NAALADL2: variants seen among roughly 807,000 people sequenced by gnomAD.
NAALADL2 encodes the protein N-acetylated alpha-linked acidic dipeptidase like 2.
A neutral mutation model predicts 87.2 loss-of-function variants in NAALADL2; 76 were observed. The observed-to-expected ratio is 0.87, with a 90% CI of 0.72 to 1.05. The LOEUF is 1.05. Among genes scored for constraint, NAALADL2 ranks in the 50% least tolerant of loss-of-function variants. The pLI, the probability that NAALADL2 is intolerant of heterozygous loss-of-function variation, is 0.00. For missense variants in NAALADL2, 1,089 were observed against 945.8 expected, an observed-to-expected ratio of 1.15 and a Z score of -1.99; for synonymous variants, 354 against 331.0, an observed-to-expected ratio of 1.07 and a Z score of -0.75.
At chr3:175,572,409 C>T (rs1341527074) in intron 9 of NAALADL2, among the ~76,000 whole-genome samples, 2 of 97,196 alleles carry the variant, frequency 2.1e-5, no homozygotes, top group Non-Finnish European at 4.7e-5. Context: ...GTTGGTTTAC[C>T]AAAAAAAAAA....
intron 2 of NAALADL2, among the ~76,000 whole-genome samples, chr3:175,112,880 T>C (rs974276704): frequency 1.6e-4 from 24 of 151,600 alleles, no homozygotes; most frequent in Admixed American, 7.3e-4. Flanking sequence ...CTGTTACACT[T>C]TCCAGAAAAG....
intron 3 of NAALADL2, among the ~76,000 whole-genome samples, chr3:174,742,029 T>G (rs1733814370): frequency 1.3e-5 from 2 of 151,736 alleles, no homozygotes; most frequent in African/African-American, 2.4e-5. Context: ...AAAATTGATT[T>G]TTTTCAAACT....
At chr3:175,195,095 A>C (rs1738781112) in intron 2 of NAALADL2, among the ~76,000 whole-genome samples, 1 of 151,636 alleles carries the variant, frequency 6.6e-6, no homozygotes, top group African/African-American at 2.4e-5. Context: ...GACCAGGTTA[A>C]TTCCACATGG....
At chr3:174,707,279 C>G (rs914882772) in intron 2 of NAALADL2, among the ~76,000 whole-genome samples, 9 of 118 alleles carry the variant, frequency 0.076, no homozygotes, top group African/African-American at 0.22. Context: ...ATTTGACCCA[C>G]CAATCCCCAT....
intron 1 of NAALADL2, among the ~76,000 whole-genome samples, chr3:174,878,240 G>A (rs1035418322): frequency 6.6e-6 from 1 of 152,108 alleles, no homozygotes; most frequent in African/African-American, 2.4e-5. Flanking sequence ...TTTAAACTGA[G>A]TGTGTAGTAA....
intron 2 of NAALADL2, among the ~76,000 whole-genome samples, chr3:174,626,098 T>C (rs1011911216): frequency 1.3e-5 from 2 of 151,822 alleles, no homozygotes; most frequent in African/African-American, 4.8e-5. Context: ...ATTTTTTTTT[T>C]TTTTTTTTGG....
intron 3 of NAALADL2, among the ~76,000 whole-genome samples, chr3:174,750,975 A>C (rs979328814): frequency 3.3e-5 from 5 of 152,056 alleles, no homozygotes; most frequent in Admixed American, 1.3e-4. Context: ...CATATATTCT[A>C]TAAGTGCAAT....
intron 3 of NAALADL2, among the ~76,000 whole-genome samples, chr3:174,743,387 C>T (rs778938393): frequency 1.3e-5 from 2 of 151,792 alleles, no homozygotes; most frequent in African/African-American, 2.4e-5. Flanking sequence ...TTAAAGCACA[C>T]AGGTCATTTG....
At chr3:174,557,876 C>T (rs2108505176) in intron 2 of NAALADL2, among the ~76,000 whole-genome samples, 1 of 152,232 alleles carries the variant, frequency 6.6e-6, no homozygotes, top group African/African-American at 2.4e-5. Flanking sequence ...CTTCCAGAGC[C>T]TTCTAGCGGA....
chr3:174,864,595 GTTA>G (rs57708760), intron 1 of NAALADL2, among the ~76,000 whole-genome samples: 3,521 of 152,074 alleles, frequency 0.023, 108 homozygotes, highest in African/African-American at 0.068. Flanking sequence ...TTGTTTATAC[GTTA>G]TTATTAATCA....
chr3:175,215,713 T>A (rs1476877006), intron 2 of NAALADL2, among the ~76,000 whole-genome samples: 1 of 152,184 alleles, frequency 6.6e-6, no homozygotes, highest in Non-Finnish European at 1.5e-5. Context: ...ACCTAATTAA[T>A]GAATTCAGTT....
intron 5 of NAALADL2, among the ~76,000 whole-genome samples, chr3:175,400,324 A>C (rs1770404214): frequency 6.6e-6 from 1 of 152,106 alleles, no homozygotes; most frequent in Admixed American, 6.6e-5. Context: ...CTTCATCGGT[A>C]CTGGCCTTGT....
chr3:174,540,801 A>C (rs1722153698), intron 1 of NAALADL2: 1 of 152,200 alleles, frequency 6.6e-6, no homozygotes, highest in African/African-American at 2.4e-5. Context: ...CAATGATACA[A>C]TGTGACTCTT....
intron 9 of NAALADL2, among the ~76,000 whole-genome samples, chr3:175,496,098 T>C (rs1043303504): frequency 6.6e-6 from 1 of 152,142 alleles, no homozygotes; most frequent in Non-Finnish European, 1.5e-5. Context: ...TGTGTCACAG[T>C]CATTAATATG....
At chr3:174,888,553 C>A (rs1156260105) in intron 1 of NAALADL2, among the ~76,000 whole-genome samples, 2 of 152,186 alleles carry the variant, frequency 1.3e-5, no homozygotes, top group African/African-American at 4.8e-5. Flanking sequence ...TTTCCACATA[C>A]AAAATGATGG....
chr3:175,121,987 A>G (rs907379969), intron 2 of NAALADL2, among the ~76,000 whole-genome samples: 1 of 151,802 alleles, frequency 6.6e-6, no homozygotes, highest in Non-Finnish European at 1.5e-5. Context: ...CACAATGGCG[A>G]CACATTGTAA....
intron 2 of NAALADL2, among the ~76,000 whole-genome samples, chr3:175,128,796 T>C (rs1353726423): frequency 6.6e-6 from 1 of 152,034 alleles, no homozygotes; most frequent in African/African-American, 2.4e-5. Flanking sequence ...AAATCCAATA[T>C]TTTTACTTTT....
intron 13 of NAALADL2, among the ~76,000 whole-genome samples, chr3:175,759,303 T>G (rs1019447227): frequency 1.2e-4 from 19 of 152,010 alleles, no homozygotes; most frequent in Admixed American, 1.2e-3. Context: ...AAAGTACTTT[T>G]GTGATTCAGT....
intron 5 of NAALADL2, among the ~76,000 whole-genome samples, chr3:175,432,225 G>C (rs1347417100): frequency 1.3e-5 from 2 of 152,000 alleles, no homozygotes; most frequent in East Asian, 3.9e-4. Context: ...CATATATAAA[G>C]TGTAAAAATG....
Sources: gnomAD v4.1 joint callset for allele counts (sites outside exome capture counted in the v4.1 genomes callset) on GRCh38, gnomAD v4.1.1 for gene constraint, MANE v1.5 for transcripts, NCBI Gene and HGNC (gene_info 2026-07-23, HGNC 2026-07-21) for gene names.